The following CNTN5 variants were observed in gnomAD, a reference collection of about 807,000 sequenced individuals.
The protein encoded by CNTN5 is contactin 5, also known as contactin-5.
CNTN5 carries 77 observed loss-of-function variants against 129.1 expected under a neutral mutation model. The ratio of observed to expected loss-of-function variants is 0.60; its 90% CI spans 0.50 to 0.72. The LOEUF is 0.72. CNTN5 is among the 30% of genes least tolerant of loss of function. The pLI is 0.00. For synonymous variants in CNTN5, 509 were observed against 465.6 expected (o/e 1.09, Z -1.20); for missense variants, 1,478 against 1,328.8 (o/e 1.11, Z -1.75).
At chr11:99,730,342 A>C (rs563749085) in intron 3 of CNTN5, among the ~76,000 whole-genome samples, 9 of 152,292 alleles carry the variant, frequency 5.9e-5, no homozygotes, top group African/African-American at 2.2e-4. Context: ...TGCAAACATC[A>C]CTTTTACCTG....
chr11:99,297,634 C>T (rs1296605413), intron 1 of CNTN5, among the ~76,000 whole-genome samples: 13 of 152,106 alleles, frequency 8.5e-5, no homozygotes, highest in African/African-American at 2.9e-4. Context: ...CCTTCCGGGC[C>T]TAATGAATAA....
At chr11:99,066,070 A>T (rs1865089591) in intron 1 of CNTN5, among the ~76,000 whole-genome samples, 1 of 152,128 alleles carries the variant, frequency 6.6e-6, no homozygotes, top group African/African-American at 2.4e-5. Flanking sequence ...AGATACACGC[A>T]TATGCCATAT....
intron 1 of CNTN5, among the ~76,000 whole-genome samples, chr11:99,048,613 C>G (rs1293945128): frequency 6.6e-6 from 1 of 152,098 alleles, no homozygotes; most frequent in African/African-American, 2.4e-5. Context: ...TGGTGCCTTT[C>G]TAAGTCATAG....
At chr11:99,474,506 TAAAA>T (rs1187205650) in intron 2 of CNTN5, among the ~76,000 whole-genome samples, 3 of 152,084 alleles carry the variant, frequency 2.0e-5, no homozygotes, top group African/African-American at 7.2e-5. Context: ...TAAATTCTAA[TAAAA>T]AAAGCCCATT....
chr11:99,836,416 G>C (rs1019189770), intron 4 of CNTN5, among the ~76,000 whole-genome samples: 12 of 151,726 alleles, frequency 7.9e-5, no homozygotes, highest in Admixed American at 2.0e-4. Context: ...CCTTGCGATA[G>C]TTTGCTGAGA....
At chr11:99,746,259 G>A (rs1263117913) in intron 3 of CNTN5, among the ~76,000 whole-genome samples, 2 of 152,110 alleles carry the variant, frequency 1.3e-5, no homozygotes, top group Non-Finnish European at 2.9e-5. Flanking sequence ...TGTATATAGT[G>A]TGAGACACAG....
At chr11:100,193,786 A>G (rs924908510) in intron 15 of CNTN5, 123 bp downstream of exon 15, 5 of 734,716 alleles carry the variant, frequency 6.8e-6, no homozygotes, top group East Asian at 5.9e-5. Flanking sequence ...CTTGATAAAA[A>G]CAATTACTTT....
At chr11:99,905,114 CT>C (rs1949463550) in intron 6 of CNTN5, among the ~76,000 whole-genome samples, 1 of 152,138 alleles carries the variant, frequency 6.6e-6, no homozygotes, top group African/African-American at 2.4e-5. Flanking sequence ...ATGATAGTTT[CT>C]TTTGCTGTGC....
intron 1 of CNTN5, among the ~76,000 whole-genome samples, chr11:99,071,191 A>G (rs1435068652): frequency 6.6e-6 from 1 of 152,150 alleles, no homozygotes; most frequent in African/African-American, 2.4e-5. Context: ...AGAACATAAA[A>G]TATATACTAG....
chr11:99,523,663 T>TAGAATAGAATAA (rs1565258700), intron 2 of CNTN5, among the ~76,000 whole-genome samples: 106 of 132,770 alleles, frequency 8.0e-4, no homozygotes, highest in African/African-American at 2.7e-3. Context: ...ACAGAACAGA[T>TAGAATAGAATAA]CAGAACAGAA....
chr11:99,981,808 T>G (rs1049046548), intron 8 of CNTN5, among the ~76,000 whole-genome samples: 2 of 152,176 alleles, frequency 1.3e-5, no homozygotes, highest in African/African-American at 4.8e-5. Context: ...CTCTTATCAC[T>G]ATGCTTGTAG....
At chr11:99,444,913 T>A (rs1304912464) in intron 2 of CNTN5, among the ~76,000 whole-genome samples, 1 of 151,694 alleles carries the variant, frequency 6.6e-6, no homozygotes, top group Non-Finnish European at 1.5e-5. Context: ...TTGTTTTAAA[T>A]TTTATGTATG....
intron 15 of CNTN5, among the ~76,000 whole-genome samples, chr11:100,195,330 TG>T (rs1399434149): frequency 6.6e-6 from 1 of 152,012 alleles, no homozygotes; most frequent in Non-Finnish European, 1.5e-5. Context: ...AATATAAAAA[TG>T]AATGTACCTG....
At chr11:99,740,640 C>T (rs1047606856) in intron 3 of CNTN5, among the ~76,000 whole-genome samples, 2 of 152,136 alleles carry the variant, frequency 1.3e-5, no homozygotes, top group African/African-American at 4.8e-5. Flanking sequence ...GGCTGGATTG[C>T]AGGCCCTAGC....
At chr11:99,752,864 A>C (rs1305028320) in intron 3 of CNTN5, among the ~76,000 whole-genome samples, 1 of 152,178 alleles carries the variant, frequency 6.6e-6, no homozygotes, top group Non-Finnish European at 1.5e-5. Flanking sequence ...ACACAGTTTC[A>C]GTAAGAGTGC....
At chr11:100,347,634 T>C (rs1952313953) in intron 23 of CNTN5, among the ~76,000 whole-genome samples, 2 of 152,092 alleles carry the variant, frequency 1.3e-5, no homozygotes, top group African/African-American at 4.8e-5. Context: ...AAAGAAATCT[T>C]GTTGTTAAAA....
rs1940576465 is a variant in CNTN5 at position 99,381,806 on chromosome 11, G to A, written c.-71+56322G>A. 2.6e-5 allele frequency among the ~76,000 whole-genome samples: 4 copies of A among 151,986 alleles called. No individual in the cohort carries two copies. In the South Asian group the frequency reaches 8.3e-4, roughly 32 times the overall value. ...GGCAGTGGTTCTCAAGCTTTTTTCAGGTCCAACATGTTAGAAGTAATGACT... is the reference window on the plus strand; with the variant it reads ...GGCAGTGGTTCTCAAGCTTTTTTCAAGTCCAACATGTTAGAAGTAATGACT... On this transcript the variant is annotated intron_variant, in intron 2 of 24. Coordinates refer to ENST00000524871, the MANE Select transcript of CNTN5 (RefSeq NM_014361.4).
chr11:100,233,293 G>A (rs565693864), intron 16 of CNTN5, among the ~76,000 whole-genome samples: 13 of 151,502 alleles, frequency 8.6e-5, no homozygotes, highest in African/African-American at 2.9e-4. Flanking sequence ...GGGTAAAAGG[G>A]AGGAAGAAAG....
chr11:99,752,520 A>G (rs2135226693), intron 3 of CNTN5, among the ~76,000 whole-genome samples: 1 of 152,362 alleles, frequency 6.6e-6, no homozygotes, highest in African/African-American at 2.4e-5. Flanking sequence ...AAAATAAGTG[A>G]TAAAATAAGA....
Sources: gnomAD v4.1 joint callset for allele counts (sites outside exome capture counted in the v4.1 genomes callset) on GRCh38, gnomAD v4.1.1 for gene constraint, MANE v1.5 for transcripts, NCBI Gene and HGNC (gene_info 2026-07-23, HGNC 2026-07-21) for gene names.